Variants in CSMD1 observed in about 807,000 individuals in gnomAD.
The protein encoded by CSMD1 is CUB and Sushi multiple domains 1, also known as CUB and sushi domain-containing protein 1.
A neutral mutation model predicts 417.5 loss-of-function variants in CSMD1; 213 were observed. The ratio of observed to expected loss-of-function variants is 0.51; its 90% CI spans 0.46 to 0.57. The LOEUF is 0.57. Among genes scored for constraint, CSMD1 ranks in the 20% least tolerant of loss-of-function variants. The pLI, the probability that CSMD1 is intolerant of heterozygous loss-of-function variation, is 0.00. For synonymous variants in CSMD1, 2,862 were observed against 1,736.8 expected (o/e 1.65, Z -16.11); for missense variants, 6,923 against 4,529.7 (o/e 1.53, Z -15.17).
intron 25 of CSMD1, among the ~76,000 whole-genome samples, chr8:3,294,697 AC>A (rs1280060253): frequency 6.6e-6 from 1 of 152,060 alleles, no homozygotes; most frequent in Non-Finnish European, 1.5e-5. Context: ...GGTGGGAGTG[AC>A]CCGATTTTCC....
intron 5 of CSMD1, among the ~76,000 whole-genome samples, chr8:3,959,767 G>A (rs142116079): frequency 2.6e-5 from 4 of 152,182 alleles, no homozygotes; most frequent in Admixed American, 6.6e-5. Context: ...TATGTCTTCA[G>A]TTTTGTGATT....
chr8:4,115,734 G>A (rs1802099661), intron 3 of CSMD1, among the ~76,000 whole-genome samples: 3 of 151,986 alleles, frequency 2.0e-5, no homozygotes, highest in Admixed American at 2.0e-4. Flanking sequence ...CCTGACAATG[G>A]ACTGTCAATA....
intron 2 of CSMD1, among the ~76,000 whole-genome samples, chr8:4,515,541 A>C (rs1370188218): frequency 1.3e-5 from 2 of 152,234 alleles, no homozygotes; most frequent in Admixed American, 6.5e-5. Flanking sequence ...GTTATTCAAA[A>C]TTGAGTAAGG....
chr8:2,960,135 G>T (rs1212833594), intron 62 of CSMD1, among the ~76,000 whole-genome samples: 1 of 152,214 alleles, frequency 6.6e-6, no homozygotes, highest in Admixed American at 6.5e-5. Flanking sequence ...ATCAGTGAGA[G>T]CGACATCCAT....
At chr8:4,164,976 T>G (rs1388446478) in intron 3 of CSMD1, among the ~76,000 whole-genome samples, 1 of 152,180 alleles carries the variant, frequency 6.6e-6, no homozygotes, top group Non-Finnish European at 1.5e-5. Context: ...TAGGAATTTT[T>G]ATAATTATTG....
chr8:4,075,843 A>C (rs1296774637), intron 3 of CSMD1, among the ~76,000 whole-genome samples: 1 of 152,180 alleles, frequency 6.6e-6, no homozygotes, highest in Non-Finnish European at 1.5e-5. Context: ...GAAGCAGGCT[A>C]TTGTCCTCAG....
At chr8:3,518,638 G>C (rs1240229250) in intron 10 of CSMD1, among the ~76,000 whole-genome samples, 3 of 152,132 alleles carry the variant, frequency 2.0e-5, no homozygotes, top group African/African-American at 7.2e-5. Context: ...TATCAAAAAT[G>C]AAAGGAAGAA....
chr8:3,648,443 T>C (rs766981041), intron 7 of CSMD1, among the ~76,000 whole-genome samples: 10 of 152,232 alleles, frequency 6.6e-5, no homozygotes, highest in Non-Finnish European at 1.3e-4. Context: ...ATTTTAATAC[T>C]GGAGTACCTA....
intron 1 of CSMD1, among the ~76,000 whole-genome samples, chr8:4,763,938 A>G (rs1377208687): frequency 6.6e-6 from 1 of 152,222 alleles, no homozygotes; most frequent in Non-Finnish European, 1.5e-5. Flanking sequence ...AACAAATTAT[A>G]TTCCTTATGC....
chr8:4,162,830 C>T (rs745360541), intron 3 of CSMD1, among the ~76,000 whole-genome samples: 1 of 152,162 alleles, frequency 6.6e-6, no homozygotes, highest in Admixed American at 6.5e-5. Context: ...ATATATAATG[C>T]TATGTGTTCA....
intron 25 of CSMD1, among the ~76,000 whole-genome samples, chr8:3,299,200 C>A (rs1264109506): frequency 1.3e-5 from 2 of 152,082 alleles, no homozygotes; most frequent in African/African-American, 2.4e-5. Context: ...GCCTGTAATC[C>A]CAGTATTTTG....
intron 3 of CSMD1, among the ~76,000 whole-genome samples, chr8:4,197,887 G>T (rs183710983): frequency 6.6e-6 from 1 of 151,938 alleles, no homozygotes; most frequent in Non-Finnish European, 1.5e-5. Flanking sequence ...TAAAAGTTAA[G>T]AAGAAAAAAA....
In CSMD1 at chr8:4,421,785, C is replaced by CA. The variant is rs201994891; in HGVS notation, c.303-1721dup. Reference sequence around the variant, plus strand: ...TTGCAAGAACTATAAAAGAAAAAAACAAAAAAAACTAAAGCAAACAGAAAG... The same window carrying CA: ...TTGCAAGAACTATAAAAGAAAAAAACAAAAAAAAACTAAAGCAAACAGAAAG... On this transcript the variant is annotated intron_variant, in intron 2 of 69. Transcript: ENST00000635120. Among the ~76,000 whole-genome samples, 515 of 149,636 alleles carry CA rather than the reference C, an allele frequency of 3.4e-3. 1 individual carries two copies. The highest frequency in any genetic ancestry group is 0.011 in the African/African-American group (431 of 40,772).
intron 26 of CSMD1, among the ~76,000 whole-genome samples, chr8:3,257,879 G>C (rs79766440): frequency 0.047 from 7,187 of 152,194 alleles, 200 homozygotes; most frequent in Middle Eastern, 0.071. Context: ...AGGGGCCATT[G>C]CTGGGTTCTG....
At chr8:3,407,061 GGATGAATGGAGGGATGGAAAGAAA>G (rs1423239627) in intron 14 of CSMD1, among the ~76,000 whole-genome samples, 3 of 152,098 alleles carry the variant, frequency 2.0e-5, no homozygotes, top group Non-Finnish European at 4.4e-5. Flanking sequence ...CTGGCTGGCT[GGATGAATGGAGGGATGGAAAGAAA>G]GATGAATGGA....
At chr8:3,640,073 C>G (rs192430277) in intron 7 of CSMD1, among the ~76,000 whole-genome samples, 7 of 152,266 alleles carry the variant, frequency 4.6e-5, no homozygotes, top group Admixed American at 3.3e-4. Flanking sequence ...GAAGCAGCAA[C>G]TTATTTTAAA....
chr8:4,005,059 T>G (rs1034443345), intron 4 of CSMD1, among the ~76,000 whole-genome samples: 1 of 152,174 alleles, frequency 6.6e-6, no homozygotes, highest in Non-Finnish European at 1.5e-5. Context: ...ACATCCTATG[T>G]TCTCACTGAT....
chr8:4,046,182 A>T (rs965280527), intron 3 of CSMD1, among the ~76,000 whole-genome samples: 1 of 152,070 alleles, frequency 6.6e-6, no homozygotes, highest in Admixed American at 6.6e-5. Flanking sequence ...TTATATGTGT[A>T]TGTGTGCGTG....
chr8:3,564,639 TATTTA>T (rs1799620675), intron 10 of CSMD1, among the ~76,000 whole-genome samples: 1 of 129,912 alleles, frequency 7.7e-6, no homozygotes, highest in Admixed American at 7.5e-5. Flanking sequence ...AAAATAAATC[TATTTA>T]GTTCTGAAAG....
Sources: gnomAD v4.1 joint callset for allele counts (sites outside exome capture counted in the v4.1 genomes callset) on GRCh38, gnomAD v4.1.1 for gene constraint, MANE v1.5 for transcripts, NCBI Gene and HGNC (gene_info 2026-07-23, HGNC 2026-07-21) for gene names.